APP: variants seen among roughly 807,000 people sequenced by gnomAD.
The protein encoded by APP is amyloid-beta precursor protein.
Under a neutral mutation model 101.4 loss-of-function variants are expected in APP, and 31 were observed. The observed-to-expected ratio is 0.31, with a 90% confidence interval of 0.23 to 0.41. The LOEUF is 0.41. Among genes scored for constraint, APP ranks in the 10% least tolerant of loss-of-function variants. The pLI is 1.00. For missense variants in APP, 839 were observed against 1,003.7 expected (o/e 0.84, Z 2.22); for synonymous variants, 366 against 364.4 (o/e 1.00, Z -0.05).
At chr21:25,966,149 A>T (rs779812484) in intron 11 of APP, among the ~76,000 whole-genome samples, 3 of 152,240 alleles carry the variant, frequency 2.0e-5, no homozygotes, top group Non-Finnish European at 4.4e-5. Context: ...GTATGTAGCA[A>T]GATTTTATCG....
At chr21:25,956,995 A>G (rs115355932) in intron 11 of APP, among the ~76,000 whole-genome samples, 444 of 152,356 alleles carry the variant, frequency 2.9e-3, no homozygotes, top group African/African-American at 0.01. Flanking sequence ...TGGAACCCCA[A>G]TAACACAGTG....
At chr21:26,047,278 C>T (rs112583682) in intron 5 of APP, among the ~76,000 whole-genome samples, 3,213 of 152,316 alleles carry the variant, frequency 0.021, 97 homozygotes, top group African/African-American at 0.074. Context: ...CAACAAAATA[C>T]TGTGAATCAA....
chr21:25,908,364 G>A (rs2038895756), intron 14 of APP, among the ~76,000 whole-genome samples: 1 of 152,148 alleles, frequency 6.6e-6, no homozygotes, highest in Non-Finnish European at 1.5e-5. Flanking sequence ...TTCACTGATT[G>A]TTCTTAAGAA....
chr21:26,082,383 G>A (rs1444733930), intron 3 of APP, among the ~76,000 whole-genome samples: 4 of 152,016 alleles, frequency 2.6e-5, no homozygotes, highest in Middle Eastern at 3.4e-3. Context: ...AATATTTCCT[G>A]CCCTCAAAAA....
At chr21:25,959,411 C>G (rs1019942565) in intron 11 of APP, among the ~76,000 whole-genome samples, 1 of 152,044 alleles carries the variant, frequency 6.6e-6, no homozygotes, top group Admixed American at 6.5e-5. Context: ...ACAGCCTGGG[C>G]GACAGGACGA....
intron 3 of APP, among the ~76,000 whole-genome samples, chr21:26,067,327 G>A (rs892458857): frequency 6.6e-6 from 1 of 152,062 alleles, no homozygotes; most frequent in Non-Finnish European, 1.5e-5. Flanking sequence ...AGCATAGTTT[G>A]GACTAGCCAG....
At chr21:25,960,578 A>G (rs542333728) in intron 11 of APP, among the ~76,000 whole-genome samples, 1 of 152,248 alleles carries the variant, frequency 6.6e-6, no homozygotes, top group East Asian at 1.9e-4. Flanking sequence ...GCTGTTACGG[A>G]GGCCTGCATT....
At chr21:25,918,368 G>A (rs2039456605) in intron 13 of APP, among the ~76,000 whole-genome samples, 1 of 152,244 alleles carries the variant, frequency 6.6e-6, no homozygotes, top group Admixed American at 6.5e-5. Flanking sequence ...ATGAGTTCGG[G>A]AGGTGGGAGC....
At position 26,129,074 on chromosome 21, in the gene APP, AG is replaced by A. The variant is rs1269728389; in HGVS notation, c.58-16929del. ...AGAAAAGAGAGGATTAGAATGAAGG[AG>A]TGTTTCCAAAGGCCTAAAATATTTC... On this transcript the variant is annotated intron_variant, in intron 1 of 17. Transcript: ENST00000346798. Among the ~76,000 whole-genome samples, 8 of 152,230 alleles carry A rather than the reference AG, an allele frequency of 5.3e-5. No individual in the cohort carries two copies. In the East Asian group the frequency reaches 1.5e-3, roughly 29 times the overall value.
At chr21:26,133,667 G>A (rs939678366) in intron 1 of APP, among the ~76,000 whole-genome samples, 8 of 152,082 alleles carry the variant, frequency 5.3e-5, no homozygotes, top group African/African-American at 1.9e-4. Context: ...AGCTACTCGG[G>A]AGGCTGAGGC....
intron 1 of APP, among the ~76,000 whole-genome samples, chr21:26,131,249 A>T (rs182884288): frequency 1.5e-4 from 23 of 152,048 alleles, no homozygotes; most frequent in South Asian, 1.0e-3. Flanking sequence ...ATAAATAAAT[A>T]AATAAATTAA....
At chr21:26,136,412 T>C (rs937618780) in intron 1 of APP, among the ~76,000 whole-genome samples, 2 of 152,038 alleles carry the variant, frequency 1.3e-5, no homozygotes, top group African/African-American at 2.4e-5. Flanking sequence ...AGGCTTTATC[T>C]AGGGAGTGCT....
At chr21:26,106,225 G>C (rs1403734361) in intron 2 of APP, among the ~76,000 whole-genome samples, 1 of 152,152 alleles carries the variant, frequency 6.6e-6, no homozygotes, top group East Asian at 1.9e-4. Flanking sequence ...AAACAAAAGA[G>C]ACCCTAATGG....
At chr21:26,005,685 AAG>A (rs1164779517) in intron 6 of APP, among the ~76,000 whole-genome samples, 1 of 152,222 alleles carries the variant, frequency 6.6e-6, no homozygotes, top group Non-Finnish European at 1.5e-5. Context: ...AAAATATCTC[AAG>A]AGAGAGTTCA....
chr21:26,167,053 G>A lies in APP; in HGVS notation c.57+3511C>T, dbSNP rs908081043. Reference sequence around the variant, plus strand: ...CCAGACCTGGGATATAAACCTGGCTGGAAATTTACTACCAGGAAATGCTCC... The same window carrying A: ...CCAGACCTGGGATATAAACCTGGCTAGAAATTTACTACCAGGAAATGCTCC... On this transcript the variant is annotated intron_variant, in intron 1 of 17. Transcript: ENST00000346798. Among the ~76,000 whole-genome samples, 4 of 152,236 alleles carry A rather than the reference G, an allele frequency of 2.6e-5. 1 individual carries two copies. In the South Asian group the frequency reaches 8.3e-4, roughly 32 times the overall value.
chr21:25,955,767 A>C lies in APP; in HGVS notation c.1459-12T>G. On this transcript the variant is annotated splice_polypyrimidine_tract_variant and intron_variant, in intron 11 of 17. Coordinates refer to ENST00000346798, the MANE Select transcript of APP (RefSeq NM_000484.4). Reference sequence around the variant, plus strand: ...AACACGTGACGAGGCTGTGGGAGGAAAATGAAAAACTCTTTTTCAAGTTTG... The same window carrying C: ...AACACGTGACGAGGCTGTGGGAGGACAATGAAAAACTCTTTTTCAAGTTTG... 6.2e-7 allele frequency: 1 copy of C among 1,614,108 alleles called. No homozygotes were observed. Among genetic ancestry groups the C allele is most frequent in the South Asian group, 1.1e-5 (1 of 91,082 alleles).
intron 2 of APP, among the ~76,000 whole-genome samples, chr21:26,094,753 C>T (rs1205479683): frequency 6.6e-6 from 1 of 151,374 alleles, no homozygotes; most frequent in Non-Finnish European, 1.5e-5. Flanking sequence ...GTAGTCCTCC[C>T]TTATCTGTGG....
intron 5 of APP, among the ~76,000 whole-genome samples, chr21:26,050,306 A>G (rs1316508697): frequency 6.6e-6 from 1 of 152,212 alleles, no homozygotes; most frequent in Non-Finnish European, 1.5e-5. Flanking sequence ...GAGACAGCAT[A>G]AAATCAATGC....
At chr21:26,136,674 T>C (rs1246814281) in intron 1 of APP, among the ~76,000 whole-genome samples, 1 of 152,166 alleles carries the variant, frequency 6.6e-6, no homozygotes, top group East Asian at 1.9e-4. Flanking sequence ...GCTGATTACT[T>C]CCTTGTATCT....
Sources: gnomAD v4.1 joint callset for allele counts (sites outside exome capture counted in the v4.1 genomes callset) on GRCh38, gnomAD v4.1.1 for gene constraint, MANE v1.5 for transcripts, NCBI Gene and HGNC (gene_info 2026-07-23, HGNC 2026-07-21) for gene names.